The following FAM163A variants were observed in gnomAD, a reference collection of about 807,000 sequenced individuals.
FAM163A encodes family with sequence similarity 163 member A.
In FAM163A, 7 loss-of-function variants were observed where a neutral mutation model predicts 12.0. That is an observed-to-expected ratio of 0.58 (90% CI 0.33 to 1.10). The LOEUF (loss-of-function observed/expected upper bound fraction) is 1.10. Among genes scored for constraint, FAM163A ranks in the 50% least tolerant of loss-of-function variants. FAM163A has a pLI of 0.03. For missense variants in FAM163A, 202 were observed against 218.6 expected (o/e 0.92, Z 0.48); for synonymous variants, 101 against 91.0 (o/e 1.11, Z -0.62).
chr1:179,741,937 T>C (rs561059263), upstream of FAM163A: 6 of 152,346 alleles, frequency 3.9e-5, no homozygotes, highest in African/African-American at 1.4e-4. Context: ...TGAAGGTACG[T>C]TGTTTTCACT....
the FAM163A span, among the ~76,000 whole-genome samples, chr1:179,733,664 C>T: frequency 2.0e-5 from 3 of 152,140 alleles, no homozygotes; most frequent in African/African-American, 7.2e-5. Context: ...AAATTTCTGT[C>T]TCTGTGCTCC....
At chr1:179,744,298 G>T (rs895145253) in intron 1 of FAM163A, among the ~76,000 whole-genome samples, 1 of 152,032 alleles carries the variant, frequency 6.6e-6, no homozygotes, top group African/African-American at 2.4e-5. Context: ...CCGGCCACAC[G>T]GAAGCCTCCG....
the FAM163A span, chr1:179,730,102 G>C: frequency 4.6e-5 from 7 of 152,190 alleles, no homozygotes; most frequent in African/African-American, 1.4e-4. Flanking sequence ...ATCACAAAGA[G>C]CCCCATCCTA....
chr1:179,728,841 G>A, the FAM163A span, among the ~76,000 whole-genome samples: 1 of 152,184 alleles, frequency 6.6e-6, no homozygotes, highest in Non-Finnish European at 1.5e-5. Context: ...TGAAGTCACT[G>A]TAGTGCCTTT....
upstream of FAM163A, among the ~76,000 whole-genome samples, chr1:179,738,383 T>C (rs1275928188): frequency 1.3e-5 from 2 of 152,186 alleles, no homozygotes; most frequent in African/African-American, 2.4e-5. Context: ...TTATTACATG[T>C]CAATTTAAAA....
chr1:179,768,085 G>A (rs1687750972), intron 1 of FAM163A, among the ~76,000 whole-genome samples: 1 of 152,098 alleles, frequency 6.6e-6, no homozygotes, highest in South Asian at 2.1e-4. Flanking sequence ...TCATATGAGT[G>A]GAATCATATG....
At chr1:179,801,336 G>A (rs1001877125) in intron 1 of FAM163A, among the ~76,000 whole-genome samples, 2 of 151,936 alleles carry the variant, frequency 1.3e-5, no homozygotes, top group Non-Finnish European at 2.9e-5. Context: ...TCACCCCATC[G>A]TCCCTGATCT....
intron 1 of FAM163A, among the ~76,000 whole-genome samples, chr1:179,797,869 A>T (rs190385312): frequency 6.6e-6 from 1 of 152,240 alleles, no homozygotes; most frequent in Admixed American, 6.5e-5. Context: ...CTAAACCCCT[A>T]TGTGGAATAG....
At chr1:179,795,254 C>G (rs1288016487) in intron 1 of FAM163A, among the ~76,000 whole-genome samples, 4 of 152,198 alleles carry the variant, frequency 2.6e-5, no homozygotes, top group African/African-American at 9.7e-5. Context: ...AGGTATCTTT[C>G]TGATTCTGGT....
chr1:179,766,401 C>A (rs1426068184), intron 1 of FAM163A, among the ~76,000 whole-genome samples: 2 of 152,202 alleles, frequency 1.3e-5, no homozygotes, highest in African/African-American at 4.8e-5. Flanking sequence ...AATCCAGACC[C>A]ACAGGCCTGG....
chr1:179,763,007 G>A (rs61828391), intron 1 of FAM163A, among the ~76,000 whole-genome samples: 13,872 of 152,150 alleles, frequency 0.091, 773 homozygotes, highest in Non-Finnish European at 0.13. Flanking sequence ...TCTCTACATG[G>A]GAGATACTTA....
At chr1:179,743,090 AAGGC>A (rs1683860255), upstream of FAM163A, 1 of 152,374 alleles carries the variant, frequency 6.6e-6, no homozygotes, top group Non-Finnish European at 1.5e-5. Context: ...CTTAGGCAAA[AAGGC>A]AGCGGAGCTA....
chr1:179,795,725 C>T (rs942266649), intron 1 of FAM163A, among the ~76,000 whole-genome samples: 5 of 152,182 alleles, frequency 3.3e-5, no homozygotes, highest in African/African-American at 9.7e-5. Context: ...CAGGCTGAAT[C>T]GGGCTCAATA....
intron 1 of FAM163A, among the ~76,000 whole-genome samples, chr1:179,780,266 G>A (rs1003671907): frequency 2.6e-5 from 4 of 152,206 alleles, no homozygotes; most frequent in Non-Finnish European, 5.9e-5. Flanking sequence ...CTTCAGAAAG[G>A]AAATTATTTA....
intron 1 of FAM163A, among the ~76,000 whole-genome samples, chr1:179,787,446 C>T (rs977731084): frequency 1.7e-4 from 26 of 152,186 alleles, no homozygotes; most frequent in South Asian, 4.1e-4. Context: ...GGTTCCCTCG[C>T]GCACAGTTTT....
At chr1:179,809,731 A>C (rs1694442608) in intron 2 of FAM163A, among the ~76,000 whole-genome samples, 1 of 152,170 alleles carries the variant, frequency 6.6e-6, no homozygotes, top group African/African-American at 2.4e-5. Context: ...GGGGTGGATC[A>C]CTGCTGCCTC....
intron 1 of FAM163A, among the ~76,000 whole-genome samples, chr1:179,773,684 A>C (rs17370180): frequency 0.12 from 17,800 of 152,226 alleles, 1,119 homozygotes; most frequent in African/African-American, 0.15. Context: ...ACCTAGCAGT[A>C]AGGTGCTTCC....
intron 1 of FAM163A, among the ~76,000 whole-genome samples, chr1:179,744,588 G>A (rs1297602360): frequency 2.0e-5 from 3 of 152,336 alleles, no homozygotes; most frequent in East Asian, 3.9e-4. Context: ...CTGTCACACT[G>A]GGGGTTCCTT....
At chr1:179,757,142 AGAG>A (rs1686129072) in intron 1 of FAM163A, among the ~76,000 whole-genome samples, 1 of 86,836 alleles carries the variant, frequency 1.2e-5, no homozygotes, top group African/African-American at 4.1e-5. Flanking sequence ...GGGAAGGAAA[AGAG>A]AGATAGTTGG....
Sources: gnomAD v4.1 joint callset for allele counts (sites outside exome capture counted in the v4.1 genomes callset) on GRCh38, gnomAD v4.1.1 for gene constraint, MANE v1.5 for transcripts, NCBI Gene and HGNC (gene_info 2026-07-23, HGNC 2026-07-21) for gene names.